Variants in ZDHHC3 observed in about 807,000 individuals in gnomAD.
ZDHHC3 encodes the protein palmitoyltransferase ZDHHC3.
In ZDHHC3, 9 loss-of-function variants were observed where a neutral mutation model predicts 30.6. The ratio of observed to expected loss-of-function variants is 0.29; its 90% CI spans 0.18 to 0.51. The LOEUF (loss-of-function observed/expected upper bound fraction) is 0.51, where lower values mean the gene tolerates loss of function less well. ZDHHC3 is among the 20% of genes least tolerant of loss of function. The pLI is 0.97. For missense variants in ZDHHC3, 246 were observed against 384.2 expected (o/e 0.64, Z 3.01); for synonymous variants, 136 against 140.2 (o/e 0.97, Z 0.21).
intron 4 of ZDHHC3, 104 bp downstream of exon 4, chr3:44,933,784 G>T: frequency 1.9e-6 from 2 of 1,027,918 alleles, no homozygotes; most frequent in Non-Finnish European, 3.0e-6. Context: ...ACAGGGCCAG[G>T]CAGTATTCTG....
At chr3:44,947,757 G>A (rs1575863095) in intron 2 of ZDHHC3, among the ~76,000 whole-genome samples, 1 of 152,346 alleles carries the variant, frequency 6.6e-6, no homozygotes, top group Non-Finnish European at 1.5e-5. Context: ...CCAGGGCTGA[G>A]AGCTACTGTG....
chr3:44,937,336 C>T (rs945896973), intron 3 of ZDHHC3, among the ~76,000 whole-genome samples: 11 of 151,654 alleles, frequency 7.3e-5, no homozygotes, highest in Admixed American at 3.9e-4. Flanking sequence ...CCCAGCTACT[C>T]GGGAGGCTGA....
rs1303508217 is a variant in ZDHHC3, at chr3:44,924,715, G to A, written c.*1974C>T. On this transcript the variant is annotated 3_prime_UTR_variant, in exon 7 of 7. Coordinates refer to ENST00000424952, the MANE Select transcript of ZDHHC3 (RefSeq NM_001135179.2). ...AGGGGAGGGCCAGAGCTGTAGCCCT[G>A]CTCTAGTTATTTAATACAATAACAC... 1.0e-6 allele frequency: 1 copy of A among 985,442 alleles called. No homozygotes were observed. Among genetic ancestry groups the A allele is most frequent in the East Asian group, 1.1e-4 (1 of 8,816 alleles). 61.0% of individuals were successfully genotyped at this position (985,442 alleles called of 1,614,324 possible).
intron 2 of ZDHHC3, among the ~76,000 whole-genome samples, chr3:44,956,038 G>C (rs183420668): frequency 6.6e-6 from 1 of 152,200 alleles, no homozygotes; most frequent in Non-Finnish European, 1.5e-5. Flanking sequence ...ACTGCTTTGG[G>C]ATTGGAAGCT....
intron 1 of ZDHHC3, among the ~76,000 whole-genome samples, chr3:44,963,521 G>A (rs566530701): frequency 7.5e-5 from 11 of 146,928 alleles, no homozygotes; most frequent in East Asian, 3.9e-4. Flanking sequence ...AACCCACCAC[G>A]AAACAAACTG....
At chr3:44,970,433 A>G (rs1705316322) in intron 1 of ZDHHC3, among the ~76,000 whole-genome samples, 1 of 152,226 alleles carries the variant, frequency 6.6e-6, no homozygotes, top group Non-Finnish European at 1.5e-5. Context: ...CGCTAACCTC[A>G]TGATCTCAGG....
rs1575812836 is a variant in ZDHHC3, at chr3:44,935,848, A to G, written c.432-1864T>C. On this transcript the variant is annotated intron_variant, in intron 3 of 6. Transcript: ENST00000424952. ...TGATGCTGGACCCCTTCCTTACACCATATACAAAAATCAACCCAAAATGGA... is the reference window on the plus strand; with the variant it reads ...TGATGCTGGACCCCTTCCTTACACCGTATACAAAAATCAACCCAAAATGGA... 1.3e-5 allele frequency among the ~76,000 whole-genome samples: 2 copies of G among 152,214 alleles called. 1 individual carries two copies. Among genetic ancestry groups the G allele is most frequent in the East Asian group, 3.8e-4 (2 of 5,200 alleles).
chr3:44,934,570 CCAAAA>C (rs1701780633), intron 3 of ZDHHC3, among the ~76,000 whole-genome samples: 1 of 79,626 alleles, frequency 1.3e-5, no homozygotes, highest in African/African-American at 5.7e-5. Context: ...ATCCATTTAG[CCAAAA>C]AAAAAAAAAA....
At chr3:44,926,955 G>A in intron 6 of ZDHHC3, 108 bp from the exon 7 acceptor site, 1 of 1,389,086 alleles carries the variant, frequency 7.2e-7, no homozygotes. Context: ...CCTTTTTAAA[G>A]CAACAAAGCT....
Position 44,924,023 on chromosome 3 carries a change from T to C in ZDHHC3, c.*2666A>G. ...CAGAGTTGACAGAAGGAAAGCAAGC[T>C]GGGGATCACAATCCAACAAGCCACA... On this transcript the variant is annotated 3_prime_UTR_variant, in exon 7 of 7. Transcript: ENST00000424952. 4 of 985,432 alleles carry C rather than the reference T, an allele frequency of 4.1e-6. No individual in the cohort carries two copies. In the South Asian group the frequency reaches 1.9e-4, roughly 46 times the overall value. The allele number at this position is 985,432 out of a possible 1,614,324, so 61.0% of individuals were successfully genotyped here. A position where few individuals can be genotyped will look rare whatever the true frequency, so the allele number is the denominator to read the frequency against.
chr3:44,924,465 G>T lies in ZDHHC3; in HGVS notation c.*2224C>A. 1 of 985,448 alleles carries T rather than the reference G, an allele frequency of 1.0e-6. No individual in the cohort carries two copies. The highest frequency in any genetic ancestry group is 1.2e-6 in the Non-Finnish European group (1 of 829,938). 61.0% of individuals were successfully genotyped at this position (985,448 alleles called of 1,614,324 possible). A position where few individuals can be genotyped will look rare whatever the true frequency, so the allele number is the denominator to read the frequency against. On this transcript the variant is annotated 3_prime_UTR_variant, in exon 7 of 7. Coordinates refer to ENST00000424952, the MANE Select transcript of ZDHHC3 (RefSeq NM_001135179.2). ...TCTAGCCAAGGCCTATACAAAACCA[G>T]AGGCAGAATCCTATAGGATATCTGA...
intron 2 of ZDHHC3, among the ~76,000 whole-genome samples, chr3:44,947,915 T>C (rs1214897285): frequency 6.6e-6 from 1 of 152,176 alleles, no homozygotes; most frequent in Non-Finnish European, 1.5e-5. Flanking sequence ...GAGCCAAGGA[T>C]GTGCCATCCT....
Position 44,959,397 on chromosome 3 carries a change from G to T in ZDHHC3, c.40C>A (p.Arg14=), listed in dbSNP as rs374733873. The change falls in exon 2 of 7, where the codon CGG becomes AGG. Residue 14 remains arginine (R), a synonymous_variant. Coordinates refer to ENST00000424952, the MANE Select transcript of ZDHHC3 (RefSeq NM_001135179.2). The surrounding 1 kb of genome is among the most constrained non-coding windows in gnomAD (Gnocchi z 4.3). The part of the protein sequence containing the change: ...IPTHHFRNIE[R]KPEYLQPEKC... The stretch of plus-strand genomic sequence containing the variant: ...TCTGGCTGGAGGTATTCTGGTTTCC[G>T]CTCAATGTTTCGGAAGTGGTGGGTG... The T allele has an allele frequency of 6.2e-7, 1 of 1,614,152 alleles. No homozygotes were observed. The highest frequency in any genetic ancestry group is 2.2e-5 in the East Asian group (1 of 44,874).
chr3:44,961,348 C>G (rs1318408563), intron 1 of ZDHHC3, among the ~76,000 whole-genome samples: 1 of 152,146 alleles, frequency 6.6e-6, no homozygotes, highest in Non-Finnish European at 1.5e-5. Context: ...GCCGAGATCA[C>G]GCCACTGCAC....
chr3:44,933,481 G>T (rs780466788), intron 4 of ZDHHC3: 7 of 560,900 alleles, frequency 1.2e-5, no homozygotes, highest in South Asian at 2.2e-5. Flanking sequence ...CTGCCTGGGC[G>T]GGGGGTTCAA....
intron 6 of ZDHHC3, among the ~76,000 whole-genome samples, chr3:44,929,030 T>TG (rs1229699943): frequency 2.6e-5 from 4 of 152,170 alleles, no homozygotes; most frequent in African/African-American, 4.8e-5. Flanking sequence ...AGACCTGCCA[T>TG]GGGGGGGATG....
At chr3:44,967,499 C>A (rs991922520) in intron 1 of ZDHHC3, among the ~76,000 whole-genome samples, 1 of 152,036 alleles carries the variant, frequency 6.6e-6, no homozygotes. Flanking sequence ...GCCTGGCCAA[C>A]ATAGTGAGAC....
chr3:44,958,846 C>T (rs1704196586), intron 2 of ZDHHC3, among the ~76,000 whole-genome samples: 1 of 152,208 alleles, frequency 6.6e-6, no homozygotes, highest in Non-Finnish European at 1.5e-5. Context: ...GGCCAGGTTT[C>T]CCCCAGACCA....
At chr3:44,941,004 G>A (rs1207151136) in intron 3 of ZDHHC3, among the ~76,000 whole-genome samples, 1 of 152,138 alleles carries the variant, frequency 6.6e-6, no homozygotes, top group Non-Finnish European at 1.5e-5. Flanking sequence ...TAGAGCCAGG[G>A]CCAGGTCTAA....
Sources: gnomAD v4.1 joint callset for allele counts (sites outside exome capture counted in the v4.1 genomes callset) on GRCh38, gnomAD v4.1.1 for gene constraint, Gnocchi (gnomAD v3.1) non-coding constraint, MANE v1.5 for transcripts, NCBI Gene and HGNC (gene_info 2026-07-23, HGNC 2026-07-21) for gene names.